The following RAB3GAP2 variants were observed in gnomAD, a reference collection of about 807,000 sequenced individuals.
The protein encoded by RAB3GAP2 is RAB3 GTPase activating non-catalytic protein subunit 2, also known as rab3 GTPase-activating protein non-catalytic subunit.
A neutral mutation model predicts 185.3 loss-of-function variants in RAB3GAP2; 87 were observed. The observed-to-expected ratio is 0.47, with a 90% CI of 0.39 to 0.56. The LOEUF (loss-of-function observed/expected upper bound fraction) is 0.56. RAB3GAP2 is among the 20% of genes least tolerant of loss of function. RAB3GAP2 has a pLI of 0.00. For synonymous variants in RAB3GAP2, 554 were observed against 576.1 expected (o/e 0.96, Z 0.55); for missense variants, 1,492 against 1,638.2 (o/e 0.91, Z 1.54).
intron 7 of RAB3GAP2, among the ~76,000 whole-genome samples, chr1:220,208,711 T>C (rs775603078): frequency 6.6e-6 from 1 of 151,692 alleles, no homozygotes; most frequent in Non-Finnish European, 1.5e-5. Context: ...TAATTTCTTC[T>C]TCAAAACAAT....
intron 2 of RAB3GAP2, among the ~76,000 whole-genome samples, chr1:220,218,414 A>G (rs563990311): frequency 6.6e-6 from 1 of 152,314 alleles, no homozygotes; most frequent in East Asian, 1.9e-4. Flanking sequence ...ATAAAATTCT[A>G]GATCTAAACT....
Position 220,151,117 on chromosome 1 carries a change from T to C in RAB3GAP2, c.*134A>G. The C allele has an allele frequency of 2.2e-6, 2 of 912,438 alleles. No individual in the cohort carries two copies. The highest frequency in any genetic ancestry group is 3.3e-6 in the Non-Finnish European group (2 of 610,722). 56.5% of individuals were successfully genotyped at this position (912,438 alleles called of 1,614,324 possible). On this transcript the variant is annotated 3_prime_UTR_variant, in exon 35 of 35. Coordinates refer to ENST00000358951, the MANE Select transcript of RAB3GAP2 (RefSeq NM_012414.4). ...GGTTGCACTTTTTAAAAGTTGTATA[T>C]ACTTTTATTTATTTTACAAAAGGAA...
chr1:220,183,928 A>G, intron 19 of RAB3GAP2, 108 bp downstream of exon 19: 1 of 973,768 alleles, frequency 1.0e-6, no homozygotes, highest in Non-Finnish European at 1.5e-6. Flanking sequence ...ATATACCTTT[A>G]AAGCTTTAAA....
At chr1:220,172,579 C>G (rs1463197894) in intron 22 of RAB3GAP2, 58 bp downstream of exon 22, 1 of 1,205,660 alleles carries the variant, frequency 8.3e-7, no homozygotes, top group Non-Finnish European at 1.2e-6. Flanking sequence ...ACTCTCCCAT[C>G]TTTTTGTGAC....
rs988283537 is a variant in RAB3GAP2 at position 220,189,747 on chromosome 1, T to C, written c.1735A>G (p.Lys579Glu). 3.9e-6 allele frequency: 6 copies of C among 1,531,166 alleles called. No homozygotes were observed. In the African/African-American group the frequency reaches 8.2e-5, roughly 21 times the overall value. 94.8% of individuals were successfully genotyped at this position (1,531,166 alleles called of 1,614,324 possible). A position where few individuals can be genotyped will look rare whatever the true frequency, so the allele number is the denominator to read the frequency against. The change falls in exon 17 of 35, where the codon AAG (lysine) becomes GAG (glutamate). Residue 579 changes from lysine to glutamate, a missense_variant. Coordinates refer to ENST00000358951, the MANE Select transcript of RAB3GAP2 (RefSeq NM_012414.4). ...TATTTAATATCAAGAATTAATTCCT[T>C]TATTTCTGTTTCAACCAAATCTATA... is the stretch of plus-strand genomic sequence containing the variant. Reference protein sequence around the residue: ...PNLDLVETEIKELILDIKYPA... With the variant: ...PNLDLVETEIEELILDIKYPA...
rs554523490 is a variant in RAB3GAP2, at chr1:220,158,844, C to T, written c.3261+542G>A. ...GCACACACACATGCATGCACACACA[C>T]GTACACACTCTAGTCATACAACCAT... On this transcript the variant is annotated intron_variant, in intron 29 of 34. Coordinates refer to ENST00000358951, the MANE Select transcript of RAB3GAP2 (RefSeq NM_012414.4). This position sits in a 1 kb window ranked among gnomAD's most constrained non-coding sequence, Gnocchi z 4.3. Among the ~76,000 whole-genome samples, 2 of 152,236 alleles carry T rather than the reference C, an allele frequency of 1.3e-5. No homozygotes were observed. Among genetic ancestry groups the T allele is most frequent in the South Asian group, 2.1e-4 (1 of 4,828 alleles).
chr1:220,190,320 AG>A, intron 15 of RAB3GAP2, 56 bp downstream of exon 15: 1 of 1,609,428 alleles, frequency 6.2e-7, no homozygotes, highest in Non-Finnish European at 8.5e-7. Flanking sequence ...CAACAAACCT[AG>A]GAACTAGGAA....
intron 33 of RAB3GAP2, among the ~76,000 whole-genome samples, chr1:220,152,115 A>AC (rs1260093455): frequency 1.3e-5 from 2 of 152,066 alleles, no homozygotes; most frequent in African/African-American, 4.8e-5. Context: ...TCACTCTGCC[A>AC]CCCAAGCTGG....
At chr1:220,160,398 T>C (rs1308207932) in intron 28 of RAB3GAP2, among the ~76,000 whole-genome samples, 5 of 152,236 alleles carry the variant, frequency 3.3e-5, no homozygotes, top group Non-Finnish European at 5.9e-5. Flanking sequence ...CAAGATATTT[T>C]GTCTGTTGCC....
intron 28 of RAB3GAP2, 58 bp downstream of exon 28, chr1:220,162,140 A>G: frequency 7.9e-7 from 1 of 1,265,328 alleles, no homozygotes; most frequent in East Asian, 2.3e-5. Context: ...AATCTTTCTA[A>G]TATTAGTCAA....
At chr1:220,175,886 T>G (rs1016587932) in intron 21 of RAB3GAP2, among the ~76,000 whole-genome samples, 12 of 152,320 alleles carry the variant, frequency 7.9e-5, no homozygotes, top group Admixed American at 2.6e-4. Context: ...CTATAAACAT[T>G]AAAACTTCCA....
chr1:220,177,977 A>T (rs1658327864), intron 21 of RAB3GAP2, among the ~76,000 whole-genome samples: 1 of 152,226 alleles, frequency 6.6e-6, no homozygotes. Context: ...GAGTTAACTC[A>T]GACAAGAATA....
intron 8 of RAB3GAP2, among the ~76,000 whole-genome samples, chr1:220,204,491 T>C (rs1195127419): frequency 1.3e-5 from 2 of 152,182 alleles, no homozygotes; most frequent in African/African-American, 4.8e-5. Context: ...AGCCATTTAA[T>C]TTTTCACCAA....
At chr1:220,208,861 C>T (rs920356129) in intron 7 of RAB3GAP2, among the ~76,000 whole-genome samples, 4 of 152,122 alleles carry the variant, frequency 2.6e-5, no homozygotes, top group Admixed American at 2.0e-4. Flanking sequence ...GGACTACAGG[C>T]GCATGCCGCC....
chr1:220,162,137 C>T (rs548218944), intron 28 of RAB3GAP2, 61 bp downstream of exon 28: 6 of 1,256,258 alleles, frequency 4.8e-6, no homozygotes, highest in African/African-American at 1.5e-5. Flanking sequence ...AACAATCTTT[C>T]TAATATTAGT....
At position 220,148,803 on chromosome 1, in the gene RAB3GAP2, A is replaced by G. The variant is rs1657677804; in HGVS notation, c.*2448T>C. 6.6e-6 allele frequency: 1 copy of G among 152,164 alleles called. No homozygotes were observed. The highest frequency in any genetic ancestry group is 2.4e-5 in the African/African-American group (1 of 41,440). The allele number at this position is 152,164 out of a possible 1,614,324, so 9.4% of individuals were successfully genotyped here. On this transcript the variant is annotated 3_prime_UTR_variant, in exon 35 of 35. Coordinates refer to ENST00000358951, the MANE Select transcript of RAB3GAP2 (RefSeq NM_012414.4). ...CATGGTGCTATATATCTCTTTATCT[A>G]CATTTACCCTGGCCCCTCTAGTTCT...
chr1:220,169,094 T>C (rs1658125986), intron 24 of RAB3GAP2, among the ~76,000 whole-genome samples: 1 of 152,220 alleles, frequency 6.6e-6, no homozygotes, highest in Non-Finnish European at 1.5e-5. Flanking sequence ...CTTAGGTTAA[T>C]ATTCAAATGG....
chr1:220,255,926 A>G (rs535702039), intron 1 of RAB3GAP2, among the ~76,000 whole-genome samples: 3 of 152,278 alleles, frequency 2.0e-5, no homozygotes, highest in African/African-American at 7.2e-5. Context: ...AGGAAATGCA[A>G]AGAGCCTCAG....
intron 1 of RAB3GAP2, chr1:220,266,736 G>A: frequency 1.3e-6 from 2 of 1,585,220 alleles, no homozygotes; most frequent in South Asian, 1.1e-5. Context: ...TCTTTGTTTT[G>A]GCAATTTGAT....
Sources: gnomAD v4.1 joint callset for allele counts (sites outside exome capture counted in the v4.1 genomes callset) on GRCh38, gnomAD v4.1.1 for gene constraint, Gnocchi (gnomAD v3.1) non-coding constraint, MANE v1.5 for transcripts, NCBI Gene and HGNC (gene_info 2026-07-23, HGNC 2026-07-21) for gene names.